KCNB2: variants seen among roughly 807,000 people sequenced by gnomAD.
The protein encoded by KCNB2 is potassium voltage-gated channel subfamily B member 2, also known as delayed rectifier potassium channel protein.
KCNB2 carries 15 observed loss-of-function variants against 61.5 expected under a neutral mutation model. The ratio of observed to expected loss-of-function variants is 0.24; its 90% CI spans 0.16 to 0.38. KCNB2 has a LOEUF of 0.38. Ranked by LOEUF, KCNB2 falls within the 10% of genes least tolerant of loss-of-function variation. KCNB2 has a pLI of 1.00. For synonymous variants in KCNB2, 457 were observed against 446.0 expected (o/e 1.02, Z -0.31); for missense variants, 828 against 1,125.2 (o/e 0.74, Z 3.78).
intron 2 of KCNB2, among the ~76,000 whole-genome samples, chr8:72,783,718 G>T (rs1017443892): frequency 2.6e-5 from 4 of 152,048 alleles, no homozygotes; most frequent in Admixed American, 6.6e-5. Flanking sequence ...ATGGGACCAG[G>T]GACCTGCCTT....
chr8:72,731,037 G>C (rs1435405616), intron 2 of KCNB2, among the ~76,000 whole-genome samples: 2 of 152,160 alleles, frequency 1.3e-5, no homozygotes, highest in African/African-American at 4.8e-5. Flanking sequence ...TAAGGGCTAG[G>C]AAATGATTGC....
chr8:72,681,495 A>C (rs2128989116), intron 2 of KCNB2, among the ~76,000 whole-genome samples: 1 of 152,298 alleles, frequency 6.6e-6, no homozygotes, highest in East Asian at 1.9e-4. Flanking sequence ...AATAACATGC[A>C]TAGAGCTGTC....
At chr8:72,811,352 A>G (rs1335289121) in intron 2 of KCNB2, among the ~76,000 whole-genome samples, 1 of 151,994 alleles carries the variant, frequency 6.6e-6, no homozygotes, top group East Asian at 1.9e-4. Context: ...GGGAGAATTG[A>G]TAGCTTTCTG....
intron 2 of KCNB2, among the ~76,000 whole-genome samples, chr8:72,801,470 C>G (rs889246368): frequency 2.6e-5 from 4 of 152,208 alleles, no homozygotes; most frequent in Middle Eastern, 6.3e-3. Context: ...AGATGCTTTA[C>G]TTTTGTAGGT....
In KCNB2 at chr8:72,938,256, G is replaced by A. The variant is rs772070413; in HGVS notation, c.*165G>A. The A allele has an allele frequency of 7.3e-5, 43 of 589,738 alleles. No individual in the cohort carries two copies. Among genetic ancestry groups the A allele is most frequent in the Non-Finnish European group, 1.1e-4 (37 of 334,944 alleles). The allele number at this position is 589,738 out of a possible 1,614,324, so 36.5% of individuals were successfully genotyped here. On this transcript the variant is annotated 3_prime_UTR_variant, in exon 3 of 3. Coordinates refer to ENST00000523207, the MANE Select transcript of KCNB2 (RefSeq NM_004770.3). ...GCATGAACAGTTTAGCTTAAGTACTGTTTAAATAATGAGTCAAGACTGCAT... is the reference window on the plus strand; with the variant it reads ...GCATGAACAGTTTAGCTTAAGTACTATTTAAATAATGAGTCAAGACTGCAT...
chr8:72,582,629 T>C (rs2128980567), intron 2 of KCNB2, among the ~76,000 whole-genome samples: 1 of 152,300 alleles, frequency 6.6e-6, no homozygotes, highest in South Asian at 2.1e-4. Flanking sequence ...TGTACGATTT[T>C]AGAGACAAGA....
intron 2 of KCNB2, among the ~76,000 whole-genome samples, chr8:72,581,904 A>G (rs564552691): frequency 6.6e-6 from 1 of 152,160 alleles, no homozygotes; most frequent in African/African-American, 2.4e-5. Flanking sequence ...TGTCATAGGT[A>G]AAGTGTAGCC....
chr8:72,624,457 G>T (rs1805758294), intron 2 of KCNB2, among the ~76,000 whole-genome samples: 1 of 151,944 alleles, frequency 6.6e-6, no homozygotes. Context: ...GGTACATTGT[G>T]ATATCTCTCA....
At chr8:72,763,914 G>A (rs1454435966) in intron 2 of KCNB2, among the ~76,000 whole-genome samples, 1 of 152,164 alleles carries the variant, frequency 6.6e-6, no homozygotes, top group Non-Finnish European at 1.5e-5. Flanking sequence ...TGGTAGGAAG[G>A]TGGAGGAGAA....
intron 2 of KCNB2, among the ~76,000 whole-genome samples, chr8:72,870,813 A>G (rs1805603312): frequency 6.6e-6 from 1 of 152,142 alleles, no homozygotes; most frequent in Admixed American, 6.5e-5. Flanking sequence ...CTCCATCTCT[A>G]TAAAAATACA....
intron 2 of KCNB2, among the ~76,000 whole-genome samples, chr8:72,684,129 C>G (rs1363753366): frequency 6.6e-6 from 1 of 152,092 alleles, no homozygotes; most frequent in East Asian, 1.9e-4. Context: ...GGGATGGGTT[C>G]TAGAGATACT....
At chr8:72,840,198 A>T (rs546630490) in intron 2 of KCNB2, among the ~76,000 whole-genome samples, 1 of 152,174 alleles carries the variant, frequency 6.6e-6, no homozygotes, top group South Asian at 2.1e-4. Flanking sequence ...GCTGAGAACG[A>T]TGGTTTCCAC....
At chr8:72,781,827 T>C (rs1454858416) in intron 2 of KCNB2, among the ~76,000 whole-genome samples, 1 of 152,190 alleles carries the variant, frequency 6.6e-6, no homozygotes, top group Non-Finnish European at 1.5e-5. Flanking sequence ...TGGATAGAGC[T>C]TGAAGCCATT....
At chr8:72,764,442 G>A (rs1257040623) in intron 2 of KCNB2, among the ~76,000 whole-genome samples, 1 of 152,092 alleles carries the variant, frequency 6.6e-6, no homozygotes, top group Admixed American at 6.5e-5. Flanking sequence ...GCTGAAAGAG[G>A]GATAAAACAC....
chr8:72,900,477 T>G (rs1806069393), intron 2 of KCNB2, among the ~76,000 whole-genome samples: 1 of 151,978 alleles, frequency 6.6e-6, no homozygotes, highest in Admixed American at 6.6e-5. Flanking sequence ...AATTGTGACA[T>G]AAACAAAAAT....
At chr8:72,783,130 G>A (rs554989067) in intron 2 of KCNB2, among the ~76,000 whole-genome samples, 1 of 152,156 alleles carries the variant, frequency 6.6e-6, no homozygotes, top group South Asian at 2.1e-4. Context: ...GATACCTTAT[G>A]GGAATCCTTT....
chr8:72,557,134 T>C lies in KCNB2; in HGVS notation c.-93-10508T>C, dbSNP rs140076786. Among the ~76,000 whole-genome samples, 135 of 152,260 alleles carry C rather than the reference T, an allele frequency of 8.9e-4. 2 individuals are homozygous for C. Among genetic ancestry groups the C allele is most frequent in the African/African-American group, 2.9e-3 (119 of 41,546 alleles). On this transcript the variant is annotated intron_variant, in intron 1 of 2. Coordinates refer to ENST00000523207, the MANE Select transcript of KCNB2 (RefSeq NM_004770.3). ...CAGGATTTCAACATAGGAATTCTGA[T>C]GGGATGCAAGCATTCAGACCATAGT...
intron 2 of KCNB2, among the ~76,000 whole-genome samples, chr8:72,691,737 C>T (rs1054980781): frequency 1.3e-5 from 2 of 152,156 alleles, no homozygotes; most frequent in Non-Finnish European, 1.5e-5. Context: ...TAGTTACATG[C>T]TTCATTCTAT....
At chr8:72,822,289 G>T (rs1041167716) in intron 2 of KCNB2, among the ~76,000 whole-genome samples, 2 of 152,196 alleles carry the variant, frequency 1.3e-5, no homozygotes, top group South Asian at 4.1e-4. Context: ...CTCCCTTCTG[G>T]AAAGTTCCTA....
Sources: gnomAD v4.1 joint callset for allele counts (sites outside exome capture counted in the v4.1 genomes callset) on GRCh38, gnomAD v4.1.1 for gene constraint, MANE v1.5 for transcripts, NCBI Gene and HGNC (gene_info 2026-07-23, HGNC 2026-07-21) for gene names.